Variants in SETBP1 observed in about 807,000 individuals in gnomAD.
The protein encoded by SETBP1 is SET-binding protein.
A neutral mutation model predicts 101.0 loss-of-function variants in SETBP1; 9 were observed. The ratio of observed to expected loss-of-function variants is 0.09; its 90% confidence interval spans 0.05 to 0.16. The LOEUF is 0.16. Ranked by LOEUF, SETBP1 falls within the 10% of genes least tolerant of loss-of-function variation. The pLI is 1.00. For synonymous variants in SETBP1, 818 were observed against 788.5 expected (o/e 1.04, Z -0.63); for missense variants, 1,858 against 2,033.8 (o/e 0.91, Z 1.66).
At chr18:44,998,003 A>G (rs1599428352) in intron 4 of SETBP1, among the ~76,000 whole-genome samples, 2 of 152,334 alleles carry the variant, frequency 1.3e-5, no homozygotes, top group South Asian at 4.1e-4. Context: ...TTTAGCACAT[A>G]TTGTAACTTG....
At chr18:44,721,646 A>G (rs924291436) in intron 2 of SETBP1, among the ~76,000 whole-genome samples, 2 of 151,778 alleles carry the variant, frequency 1.3e-5, no homozygotes, top group Non-Finnish European at 1.5e-5. Context: ...AAGTCAGCAT[A>G]TGTTTGCTTC....
chr18:44,855,847 G>A (rs1048196711), intron 2 of SETBP1, among the ~76,000 whole-genome samples: 9 of 152,318 alleles, frequency 5.9e-5, no homozygotes, highest in Admixed American at 2.6e-4. Context: ...ATTGCGATCC[G>A]TGTTCAAGAA....
intron 4 of SETBP1, among the ~76,000 whole-genome samples, chr18:45,019,696 G>A (rs1223027841): frequency 1.3e-5 from 2 of 151,718 alleles, no homozygotes; most frequent in African/African-American, 2.4e-5. Context: ...TTTTTCAACA[G>A]GTTCTGCAAC....
chr18:44,983,858 G>A (rs150707833), intron 4 of SETBP1, among the ~76,000 whole-genome samples: 1 of 152,146 alleles, frequency 6.6e-6, no homozygotes, highest in Non-Finnish European at 1.5e-5. Context: ...TTTTGCATTT[G>A]TCAAAAGATT....
At chr18:44,924,184 A>G (rs1458666677) in intron 3 of SETBP1, among the ~76,000 whole-genome samples, 2 of 152,196 alleles carry the variant, frequency 1.3e-5, no homozygotes, top group African/African-American at 4.8e-5. Flanking sequence ...GGCAACTGCC[A>G]TCTAGTTAAT....
At chr18:44,750,059 G>C (rs916255673) in intron 2 of SETBP1, among the ~76,000 whole-genome samples, 1 of 152,236 alleles carries the variant, frequency 6.6e-6, no homozygotes, top group African/African-American at 2.4e-5. Context: ...AGGGAGGTGT[G>C]ATGGGGAATG....
At chr18:44,732,466 T>G (rs1464367053) in intron 2 of SETBP1, 1 of 152,160 alleles carries the variant, frequency 6.6e-6, no homozygotes, top group Non-Finnish European at 1.5e-5. Flanking sequence ...GTGAAGACGT[T>G]AGTCAAAACA....
Position 44,809,423 on chromosome 18 carries a change from A to T in SETBP1, c.487-59807A>T, listed in dbSNP as rs140981245. 2.8e-3 allele frequency among the ~76,000 whole-genome samples: 427 copies of T among 152,348 alleles called. 3 individuals carry two copies. The highest frequency in any genetic ancestry group is 9.2e-3 in the African/African-American group (383 of 41,582). On this transcript the variant is annotated intron_variant, in intron 2 of 5. Transcript: ENST00000649279. ...TCTGGACATACATGTCTCAGAGAAG[A>T]GTAATGTGTACATTTGATTCCTGAC...
At chr18:44,849,490 G>A (rs952549764) in intron 2 of SETBP1, among the ~76,000 whole-genome samples, 2 of 152,164 alleles carry the variant, frequency 1.3e-5, no homozygotes, top group Non-Finnish European at 2.9e-5. Flanking sequence ...GTATGAGCCC[G>A]GGATGGTTTC....
chr18:45,024,785 C>T (rs1380293292), intron 4 of SETBP1, among the ~76,000 whole-genome samples: 1 of 152,194 alleles, frequency 6.6e-6, no homozygotes. Context: ...AAGAAATGCA[C>T]TGCATCCATT....
At chr18:45,038,753 G>A in intron 5 of SETBP1, 98 bp downstream of exon 5, 2 of 1,322,150 alleles carry the variant, frequency 1.5e-6, no homozygotes, top group Non-Finnish European at 2.1e-6. Context: ...AGAGTTCTCT[G>A]TTTTGCCATC....
intron 4 of SETBP1, among the ~76,000 whole-genome samples, chr18:44,978,094 C>A (rs1037740368): frequency 1.3e-5 from 2 of 152,098 alleles, no homozygotes; most frequent in African/African-American, 4.8e-5. Flanking sequence ...AACCAGCCCA[C>A]AGGCCAACAT....
chr18:44,823,741 A>G (rs558095238), intron 2 of SETBP1, among the ~76,000 whole-genome samples: 8 of 152,336 alleles, frequency 5.3e-5, no homozygotes, highest in African/African-American at 1.2e-4. Context: ...AAGGGGGATG[A>G]TATATATAGG....
chr18:44,758,585 T>C (rs1722377412), intron 2 of SETBP1, among the ~76,000 whole-genome samples: 1 of 151,962 alleles, frequency 6.6e-6, no homozygotes, highest in Non-Finnish European at 1.5e-5. Context: ...GGTTTCACTG[T>C]GTTAGCCAGG....
Position 45,063,453 on chromosome 18 carries a change from G to A in SETBP1, c.4546G>A (p.Ala1516Thr). The change falls in exon 6 of 6, where the codon GCC (alanine) becomes ACC (threonine). Residue 1516 changes from alanine (A) to threonine (T), a missense_variant. Around this residue, in one of 12 missense-constraint regions of SETBP1, gnomAD observed 178 missense variants for 189.1 expected, o/e 0.94. Coordinates refer to ENST00000649279, the MANE Select transcript of SETBP1 (RefSeq NM_015559.3). ...CACCATCGAGGCGGTCATCCACATGGCCCGGGAGGCGCCGCCCCTGCCCCC... is the reference window on the plus strand; with the variant it reads ...CACCATCGAGGCGGTCATCCACATGACCCGGGAGGCGCCGCCCCTGCCCCC... ...MATIEAVIHM[A>T]REAPPLPPPP... 2 of 1,481,406 alleles carry A rather than the reference G, an allele frequency of 1.4e-6. No homozygotes were observed. The highest frequency in any genetic ancestry group is 1.8e-6 in the Non-Finnish European group (2 of 1,118,178). The allele number at this position is 1,481,406 out of a possible 1,614,324, so 91.8% of individuals were successfully genotyped here. A position where few individuals can be genotyped will look rare whatever the true frequency, so the allele number is the denominator to read the frequency against.
intron 2 of SETBP1, among the ~76,000 whole-genome samples, chr18:44,720,314 A>G (rs913384164): frequency 5.9e-5 from 9 of 152,250 alleles, no homozygotes; most frequent in African/African-American, 1.9e-4. Flanking sequence ...ACCTATTCCT[A>G]TAACTAACTA....
intron 3 of SETBP1, among the ~76,000 whole-genome samples, chr18:44,906,044 A>G (rs943850696): frequency 3.9e-5 from 6 of 152,198 alleles, no homozygotes; most frequent in Non-Finnish European, 8.8e-5. Context: ...GCCCAGCAGC[A>G]GTTCTGATTA....
At chr18:45,028,059 G>A (rs890065666) in intron 4 of SETBP1, among the ~76,000 whole-genome samples, 7 of 151,512 alleles carry the variant, frequency 4.6e-5, no homozygotes, top group East Asian at 1.9e-4. Flanking sequence ...TGTGCACAAC[G>A]TGCAGGTTAG....
rs1695339636 is a variant in SETBP1 at position 45,066,870 on chromosome 18, T to C, written c.*3172T>C. The stretch of plus-strand genomic sequence containing the variant: ...TGATGAGAAAAGGATGAAATCTAGA[T>C]ACAAAAGTCACCTTGAAGGTGATGA... On this transcript the variant is annotated 3_prime_UTR_variant, in exon 6 of 6. Transcript: ENST00000649279. 6.6e-6 allele frequency: 1 copy of C among 152,140 alleles called. No individual in the cohort carries two copies. Among genetic ancestry groups the C allele is most frequent in the African/African-American group, 2.4e-5 (1 of 41,420 alleles). 9.4% of individuals were successfully genotyped at this position (152,140 alleles called of 1,614,324 possible). A position where few individuals can be genotyped will look rare whatever the true frequency, so the allele number is the denominator to read the frequency against.
Sources: gnomAD v4.1 joint callset for allele counts (sites outside exome capture counted in the v4.1 genomes callset) on GRCh38, gnomAD v4.1.1 for gene constraint, gnomAD v4.1.1 regional missense constraint, MANE v1.5 for transcripts, NCBI Gene and HGNC (gene_info 2026-07-23, HGNC 2026-07-21) for gene names.